Variants in DNAH12 observed in about 807,000 individuals in gnomAD.
The protein encoded by DNAH12 is axonemal beta dynein heavy chain 12.
DNAH12 carries 285 observed loss-of-function variants against 371.5 expected under a neutral mutation model. The observed-to-expected ratio is 0.77, with a 90% CI of 0.70 to 0.85. The LOEUF (loss-of-function observed/expected upper bound fraction) is 0.85. DNAH12 is among the 40% of genes least tolerant of loss of function. The pLI, the probability that DNAH12 is intolerant of heterozygous loss-of-function variation, is 0.00. For synonymous variants in DNAH12, 1,200 were observed against 1,213.0 expected, an observed-to-expected ratio of 0.99 and a Z score of 0.22; for missense variants, 3,611 against 3,689.4, an observed-to-expected ratio of 0.98 and a Z score of 0.55.
intron 30 of DNAH12, among the ~76,000 whole-genome samples, 155 bp downstream of exon 30, chr3:57,436,796 A>C (rs1006772670): frequency 1.3e-5 from 2 of 151,318 alleles, no homozygotes; most frequent in East Asian, 3.9e-4. Context: ...TGAGAAATAA[A>C]CCTTTGCCTT....
At chr3:57,481,320 A>G (rs2066735035) in intron 13 of DNAH12, among the ~76,000 whole-genome samples, 1 of 152,214 alleles carries the variant, frequency 6.6e-6, no homozygotes, top group Non-Finnish European at 1.5e-5. Context: ...CCCATTCACA[A>G]TTGCTTCAAA....
At chr3:57,314,237 C>A (rs1879995) in intron 66 of DNAH12, among the ~76,000 whole-genome samples, 1 of 152,090 alleles carries the variant, frequency 6.6e-6, no homozygotes. Context: ...ATCAACCAAA[C>A]CCAGAGTGTG....
chr3:57,519,901 A>G, intron 4 of DNAH12: 1 of 924,364 alleles, frequency 1.1e-6, no homozygotes, highest in Non-Finnish European at 1.8e-6. Flanking sequence ...CATGGCCACC[A>G]CGTTCCACTT....
At chr3:57,345,042 CAT>C (rs1396336903) in intron 60 of DNAH12, among the ~76,000 whole-genome samples, 7 of 151,788 alleles carry the variant, frequency 4.6e-5, no homozygotes, top group East Asian at 1.9e-4. Flanking sequence ...GTTAATTGTA[CAT>C]ATATGTCATA....
At chr3:57,454,985 C>T in intron 22 of DNAH12, 91 bp from the exon 23 acceptor site, 3 of 1,407,084 alleles carry the variant, frequency 2.1e-6, no homozygotes, top group Non-Finnish European at 2.9e-6. Context: ...ATATTTGGCA[C>T]ATACATAGGC....
intron 1 of DNAH12, 58 bp from the exon 2 acceptor site, chr3:57,542,961 A>G: frequency 3.3e-6 from 4 of 1,217,540 alleles, no homozygotes; most frequent in Non-Finnish European, 4.4e-6. Context: ...ACACATTCAT[A>G]ACATATCTAA....
chr3:57,497,146 C>G (rs1376448826), intron 11 of DNAH12, among the ~76,000 whole-genome samples: 1 of 152,210 alleles, frequency 6.6e-6, no homozygotes, highest in Non-Finnish European at 1.5e-5. Context: ...TTGAAAGCTT[C>G]TATTTCAAGA....
chr3:57,406,953 C>T (rs2064049261), intron 40 of DNAH12, among the ~76,000 whole-genome samples: 1 of 151,988 alleles, frequency 6.6e-6, no homozygotes, highest in Admixed American at 6.6e-5. Context: ...CGCTGGAGTG[C>T]AGTGGTGAGG....
rs1015254373 is a variant in DNAH12 at position 57,309,811 on chromosome 3, T to G, written c.10940A>C (p.Glu3647Ala). 20 of 1,551,100 alleles carry G rather than the reference T, an allele frequency of 1.3e-5. No homozygotes were observed. Among genetic ancestry groups the G allele is most frequent in the Admixed American group, 2.0e-5 (1 of 50,928 alleles). The change falls in exon 68 of 74, where the codon GAA becomes GCA. Residue 3647 changes from glutamate (E) to alanine (A), a missense_variant. Around this residue, in one of 3 missense-constraint regions of DNAH12, gnomAD observed 2,266 missense variants for 2,236.9 expected, o/e 1.01. Transcript: ENST00000495027. ...TQHPEIFGLH[E>A]NVDISKDLQQ... Reference sequence around the variant, plus strand: ...AAGATCCTTGGAGATGTCAACGTTTTCATGTAATCCAAATATCTCAGGGTG... The same window carrying G: ...AAGATCCTTGGAGATGTCAACGTTTGCATGTAATCCAAATATCTCAGGGTG...
chr3:57,313,501 A>G (rs114376909), intron 66 of DNAH12, among the ~76,000 whole-genome samples: 5,067 of 152,202 alleles, frequency 0.033, 270 homozygotes, highest in African/African-American at 0.11. Context: ...AAAAATACAA[A>G]AAGTTAGCCA....
At chr3:57,538,354 G>C (rs1364491371) in intron 2 of DNAH12, among the ~76,000 whole-genome samples, 1 of 67,732 alleles carries the variant, frequency 1.5e-5, no homozygotes, top group Non-Finnish European at 3.8e-5. Flanking sequence ...TTTTGAGGCA[G>C]TGTTTTTAAA....
intron 58 of DNAH12, among the ~76,000 whole-genome samples, chr3:57,361,673 A>G (rs1290889664): frequency 1.3e-5 from 2 of 151,710 alleles, no homozygotes; most frequent in Non-Finnish European, 2.9e-5. Context: ...TACCTCCACC[A>G]AGAACTCCAA....
chr3:57,488,653 T>C (rs1037389138), intron 12 of DNAH12, among the ~76,000 whole-genome samples: 1 of 152,118 alleles, frequency 6.6e-6, no homozygotes, highest in Non-Finnish European at 1.5e-5. Context: ...TCCGGGAAAA[T>C]AAACATAATA....
rs1202806297 is a variant in DNAH12, at chr3:57,453,588, CT to C, written c.3457-186del. ...TAGGAGGTTAAGATGGGAGGATCTT[CT>C]TTTTTTTTTTTGAGACTGAGTCTCT... On this transcript the variant is annotated intron_variant, in intron 23 of 73. Coordinates refer to ENST00000495027, the MANE Select transcript of DNAH12 (RefSeq NM_001366028.2). Among the ~76,000 whole-genome samples the C allele has an allele frequency of 1.9e-3, 272 of 145,482 alleles. 1 individual carries two copies. Among genetic ancestry groups the C allele is most frequent in the African/African-American group, 4.4e-3 (177 of 40,078 alleles).
In DNAH12 at chr3:57,352,136, AATAGTGATCGGCAT is replaced by A. The variant is rs2062690058; in HGVS notation, c.9609_9622del (p.Cys3204Ter). ...GGAAAATAACAGCTTGTCCTTCTCA[AATAGTGATCGGCAT>A]ATATTACAATATAAGTTGTATGTGA... On this transcript the variant is annotated frameshift_variant, in exon 60 of 74. Coordinates refer to ENST00000495027, the MANE Select transcript of DNAH12 (RefSeq NM_001366028.2). LOFTEE classifies it high-confidence loss of function. 6.5e-7 allele frequency: 1 copy of A among 1,542,002 alleles called. No individual in the cohort carries two copies. The highest frequency in any genetic ancestry group is 1.4e-5 in the African/African-American group (1 of 72,520).
At chr3:57,481,670 G>A (rs1037740269) in intron 13 of DNAH12, among the ~76,000 whole-genome samples, 1,627 of 150,816 alleles carry the variant, frequency 0.011, 26 homozygotes, top group African/African-American at 0.037. Flanking sequence ...ACTTCAAACT[G>A]TACTACAAGG....
At chr3:57,353,866 CA>C (rs2062738628) in intron 59 of DNAH12, among the ~76,000 whole-genome samples, 1 of 151,934 alleles carries the variant, frequency 6.6e-6, no homozygotes, top group Non-Finnish European at 1.5e-5. Context: ...ATTAAAAAGT[CA>C]AAAAAATAAC....
chr3:57,547,398 T>A (rs2069588827), upstream of DNAH12, among the ~76,000 whole-genome samples: 1 of 151,898 alleles, frequency 6.6e-6, no homozygotes, highest in East Asian at 1.9e-4. Flanking sequence ...CCTCAAGCAA[T>A]CCTCCTGCCT....
chr3:57,395,576 A>G (rs1163395275), intron 43 of DNAH12, among the ~76,000 whole-genome samples: 1 of 152,122 alleles, frequency 6.6e-6, no homozygotes, highest in Non-Finnish European at 1.5e-5. Context: ...TTCTGTCATC[A>G]AAACTAGAGA....
Sources: allele counts gnomAD v4.1 joint callset (sites outside exome capture counted in the v4.1 genomes callset), GRCh38; gene constraint gnomAD v4.1.1; regional missense constraint gnomAD v4.1.1; transcripts MANE v1.5; gene names NCBI Gene and HGNC (gene_info 2026-07-23, HGNC 2026-07-21).